Variants in AMOTL2 observed in about 807,000 individuals in gnomAD.
AMOTL2 encodes angiomotin like 2, also known as angiomotin-like protein 2.
Under a neutral mutation model 78.4 loss-of-function variants are expected in AMOTL2, and 33 were observed. The ratio of observed to expected loss-of-function variants is 0.42; its 90% CI spans 0.32 to 0.56. The LOEUF (loss-of-function observed/expected upper bound fraction) is 0.56, where lower values mean the gene tolerates loss of function less well. AMOTL2 is among the 20% of genes least tolerant of loss of function. AMOTL2 has a pLI of 0.12. For missense variants in AMOTL2, 983 were observed against 1,030.1 expected (o/e 0.95, Z 0.63); for synonymous variants, 422 against 428.8 (o/e 0.98, Z 0.20).
intron 5 of AMOTL2, among the ~76,000 whole-genome samples, chr3:134,363,804 T>A (rs1048337270): frequency 6.6e-6 from 1 of 152,174 alleles, no homozygotes; most frequent in Non-Finnish European, 1.5e-5. Flanking sequence ...GAAGAGCTGC[T>A]TGGGTTTCCT....
rs141986649 is a variant in AMOTL2, at chr3:134,361,685, G to A, written c.1402C>T (p.Arg468Trp). The change falls in exon 6 of 10, where the codon CGG (arginine) becomes TGG (tryptophan). Residue 468 changes from arginine to tryptophan, a missense_variant. Arg to Trp is a moderately radical substitution (Grantham distance 101). Transcript: ENST00000249883. Reference sequence around the variant, plus strand: ...AGCTCCTCTTCGGCTCGAGCTGCCCGGCCCTGCGCATTGCCCAGAGCCTGC... The same window carrying A: ...AGCTCCTCTTCGGCTCGAGCTGCCCAGCCCTGCGCATTGCCCAGAGCCTGC... Reference protein sequence around the residue: ...LEQALGNAQGRAARAEEELRK... With the variant: ...LEQALGNAQGWAARAEEELRK... 99 of 1,610,794 alleles carry A rather than the reference G, an allele frequency of 6.1e-5. No homozygotes were observed. The highest frequency in any genetic ancestry group is 7.5e-5 in the Non-Finnish European group (88 of 1,179,810).
intron 5 of AMOTL2, 49 bp from the exon 6 acceptor site, chr3:134,361,856 C>T (rs1345749601): frequency 6.1e-6 from 9 of 1,466,460 alleles, no homozygotes; most frequent in African/African-American, 4.2e-5. Flanking sequence ...CGTTGGCTGG[C>T]CCCATTGCCT....
chr3:134,374,886 G>A, upstream of AMOTL2: 1 of 1,256,988 alleles, frequency 8.0e-7, no homozygotes, highest in South Asian at 1.8e-5. Flanking sequence ...GGGTTGCTGC[G>A]GGAGGGGACT....
At chr3:134,364,312 A>G (rs2017513411) in intron 5 of AMOTL2, among the ~76,000 whole-genome samples, 1 of 151,892 alleles carries the variant, frequency 6.6e-6, no homozygotes, top group Non-Finnish European at 1.5e-5. Flanking sequence ...AGCCAAGAAC[A>G]GCTCGGCGCT....
intron 6 of AMOTL2, 92 bp from the exon 7 acceptor site, chr3:134,360,505 A>G (rs1166628181): frequency 3.6e-6 from 4 of 1,111,668 alleles, no homozygotes; most frequent in African/African-American, 3.1e-5. Flanking sequence ...TCACTTGTAC[A>G]TGTACGTGTT....
At chr3:134,362,785 T>A (rs2017429991) in intron 5 of AMOTL2, among the ~76,000 whole-genome samples, 1 of 152,024 alleles carries the variant, frequency 6.6e-6, no homozygotes. Flanking sequence ...TAAATCCACC[T>A]CCCAGGCACC....
chr3:134,361,414 G>T, intron 6 of AMOTL2, 98 bp downstream of exon 6: 1 of 1,381,660 alleles, frequency 7.2e-7, no homozygotes, highest in Non-Finnish European at 9.6e-7. Flanking sequence ...AGGGGCTCCC[G>T]GGGCCTCAGC....
chr3:134,360,083 G>A, intron 7 of AMOTL2, 23 bp downstream of exon 7: 1 of 1,593,338 alleles, frequency 6.3e-7, no homozygotes, highest in Non-Finnish European at 8.6e-7. Flanking sequence ...CCAACCTCAG[G>A]TGCCTGGCCT....
chr3:134,359,979 AGAAGCAG>A, intron 7 of AMOTL2, 120 bp downstream of exon 7: 1 of 1,061,000 alleles, frequency 9.4e-7, no homozygotes, highest in South Asian at 1.7e-5. Flanking sequence ...GGTTCAGCTC[AGAAGCAG>A]GAGGGACTGC....
upstream of AMOTL2, chr3:134,374,471 G>GC (rs564141800): frequency 1.5e-4 from 144 of 985,592 alleles, no homozygotes; most frequent in African/African-American, 2.4e-3. Context: ...CCAGCGCGCA[G>GC]CCCCAGGGTC....
upstream of AMOTL2, chr3:134,374,892 G>T: frequency 7.9e-7 from 1 of 1,268,842 alleles, no homozygotes; most frequent in Non-Finnish European, 1.0e-6. Context: ...CTGCGGGAGG[G>T]GACTCCGGCT....
Position 134,361,649 on chromosome 3 carries a change from G to A in AMOTL2, c.1438C>T (p.Gln480Ter). The change falls in exon 6 of 10, where the codon CAG becomes TAG. Residue 480 changes from glutamine (Q) to a stop codon, truncating the protein, a stop_gained. Transcript: ENST00000249883. LOFTEE classifies it high-confidence loss of function. ...CGCTCCACTTTCTCCACATAGGCCT[G>A]CTTCTTGCGCAGCTCCTCTTCGGCT... Reference protein sequence around the residue: ...ARAEEELRKKQAYVEKVERLQ... With the variant: ...ARAEEELRKK 6.2e-7 allele frequency: 1 copy of A among 1,612,654 alleles called. No homozygotes were observed. Among genetic ancestry groups the A allele is most frequent in the Non-Finnish European group, 8.5e-7 (1 of 1,179,974 alleles).
chr3:134,356,613 C>T lies in AMOTL2; in HGVS notation c.*1092G>A, dbSNP rs1340650843. 1.3e-5 allele frequency: 2 copies of T among 152,660 alleles called. No homozygotes were observed. Among genetic ancestry groups the T allele is most frequent in the African/African-American group, 2.4e-5 (1 of 41,460 alleles). The allele number at this position is 152,660 out of a possible 1,614,324, so 9.5% of individuals were successfully genotyped here. On this transcript the variant is annotated 3_prime_UTR_variant, in exon 10 of 10. Transcript: ENST00000249883. ...TTAACTAGTTTTCAACTGCTTTGCTCCTCTCCCAAACCCTCCAGGTGGGAA... is the reference window on the plus strand; with the variant it reads ...TTAACTAGTTTTCAACTGCTTTGCTTCTCTCCCAAACCCTCCAGGTGGGAA...
chr3:134,374,329 C>A lies in AMOTL2; in HGVS notation c.-62+13G>T, dbSNP rs1166806830. The A allele has an allele frequency of 1.3e-5, 13 of 985,216 alleles. No homozygotes were observed. The highest frequency in any genetic ancestry group is 1.4e-5 in the Non-Finnish European group (12 of 829,938). The allele number at this position is 985,216 out of a possible 1,614,324, so 61.0% of individuals were successfully genotyped here. ...CTCGCGCGCTCTCCCGAGCGCCGAG[C>A]GGCCTTCCTTACCGCTGCGGCCCGA... is the stretch of plus-strand genomic sequence containing the variant. On this transcript the variant is annotated intron_variant, in intron 1 of 9. Coordinates refer to ENST00000249883, the MANE Select transcript of AMOTL2 (RefSeq NM_016201.4).
Position 134,356,127 on chromosome 3 carries a change from T to C in AMOTL2, c.*1578A>G, listed in dbSNP as rs1014089373. The C allele has an allele frequency of 3.9e-5, 6 of 152,752 alleles. No homozygotes were observed. Among genetic ancestry groups the C allele is most frequent in the African/African-American group, 1.4e-4 (6 of 41,580 alleles). The allele number at this position is 152,752 out of a possible 1,614,324, so 9.5% of individuals were successfully genotyped here. On this transcript the variant is annotated 3_prime_UTR_variant, in exon 10 of 10. Transcript: ENST00000249883. ...TTTCTTTCACAATATTTTTTGCCTTTTTTTCCTCTTTTTTCTTTTTGCTTT... is the reference window on the plus strand; with the variant it reads ...TTTCTTTCACAATATTTTTTGCCTTCTTTTCCTCTTTTTTCTTTTTGCTTT...
intron 5 of AMOTL2, among the ~76,000 whole-genome samples, chr3:134,363,682 G>A (rs11916388): frequency 0.012 from 1,845 of 152,328 alleles, 41 homozygotes; most frequent in African/African-American, 0.041. Flanking sequence ...TGCCTAGGAG[G>A]AAAAGCAGAT....
At chr3:134,369,709 A>G (rs945160768) in intron 2 of AMOTL2, among the ~76,000 whole-genome samples, 2 of 152,222 alleles carry the variant, frequency 1.3e-5, no homozygotes, top group Admixed American at 1.3e-4. Context: ...GCAGGCATGA[A>G]GAGAACCAGA....
chr3:134,361,430 C>A, intron 6 of AMOTL2, 82 bp downstream of exon 6: 1 of 1,450,802 alleles, frequency 6.9e-7, no homozygotes, highest in South Asian at 1.4e-5. Context: ...TCAGCCCTGG[C>A]CTCCAAACCT....
rs541969387 is a variant in AMOTL2 at position 134,357,300 on chromosome 3, G to C, written c.*405C>G. 1 of 210,820 alleles carries C rather than the reference G, an allele frequency of 4.7e-6. No homozygotes were observed. Among genetic ancestry groups the C allele is most frequent in the Non-Finnish European group, 9.7e-6 (1 of 102,932 alleles). The allele number at this position is 210,820 out of a possible 1,614,324, so 13.1% of individuals were successfully genotyped here. ...GTGAACCAGTCCACCTGGTGTCCAC[G>C]GGCAGCCGTCCGTGGAAATTAGTTC... On this transcript the variant is annotated 3_prime_UTR_variant, in exon 10 of 10. Transcript: ENST00000249883.
Sources: allele counts gnomAD v4.1 joint callset (sites outside exome capture counted in the v4.1 genomes callset), GRCh38; gene constraint gnomAD v4.1.1; transcripts MANE v1.5; gene names NCBI Gene and HGNC (gene_info 2026-07-23, HGNC 2026-07-21).